DIAPH3: variants seen among roughly 807,000 people sequenced by gnomAD.
The protein encoded by DIAPH3 is diaphanous related formin 3, also known as protein diaphanous homolog 3.
A neutral mutation model predicts 144.3 loss-of-function variants in DIAPH3; 117 were observed. The observed-to-expected ratio is 0.81, with a 90% CI of 0.70 to 0.95. The LOEUF is 0.95. Among genes scored for constraint, DIAPH3 ranks in the 40% least tolerant of loss-of-function variants. The probability of loss-of-function intolerance (pLI) is 0.00; values close to 1 mark genes in which losing one functional copy is unlikely to be tolerated. For missense variants in DIAPH3, 1,421 were observed against 1,412.7 expected (o/e 1.01, Z -0.09); for synonymous variants, 519 against 488.9 (o/e 1.06, Z -0.81).
intron 18 of DIAPH3, among the ~76,000 whole-genome samples, chr13:59,916,847 T>C (rs1449923506): frequency 6.6e-6 from 1 of 152,156 alleles, no homozygotes; most frequent in East Asian, 1.9e-4. Context: ...AAATTCTCAC[T>C]GAAAATTATC....
intron 22 of DIAPH3, among the ~76,000 whole-genome samples, chr13:59,854,477 T>A (rs528551945): frequency 6.6e-6 from 1 of 152,260 alleles, no homozygotes; most frequent in African/African-American, 2.4e-5. Flanking sequence ...CTTCCCCCAA[T>A]TGGTTACATG....
chr13:60,100,705 T>A (rs1253480578), intron 3 of DIAPH3, among the ~76,000 whole-genome samples: 1 of 151,932 alleles, frequency 6.6e-6, no homozygotes, highest in East Asian at 1.9e-4. Context: ...TTTAAAAGAC[T>A]AAATTGAAAT....
chr13:59,875,834 T>C (rs58736927), intron 21 of DIAPH3, among the ~76,000 whole-genome samples: 235 of 152,242 alleles, frequency 1.5e-3, no homozygotes, highest in African/African-American at 5.4e-3. Flanking sequence ...CAAATCCTTT[T>C]CTCTCGAATC....
chr13:59,737,858 ATCT>A (rs1269303642), intron 27 of DIAPH3, among the ~76,000 whole-genome samples: 1 of 152,168 alleles, frequency 6.6e-6, no homozygotes, highest in Non-Finnish European at 1.5e-5. Flanking sequence ...TACAAGGCCT[ATCT>A]TCTTCATTTA....
chr13:59,918,944 CAAAAAA>C (rs34985752), intron 18 of DIAPH3, among the ~76,000 whole-genome samples: 7 of 117,504 alleles, frequency 6.0e-5, no homozygotes, highest in African/African-American at 1.7e-4. Context: ...CAAGAAAATA[CAAAAAA>C]AAAAAAAAAA....
chr13:60,146,626 G>A (rs1381244883), intron 1 of DIAPH3, among the ~76,000 whole-genome samples: 1 of 152,164 alleles, frequency 6.6e-6, no homozygotes, highest in Non-Finnish European at 1.5e-5. Flanking sequence ...GTCTGGTTAT[G>A]AACACACCAA....
intron 5 of DIAPH3, among the ~76,000 whole-genome samples, chr13:60,037,988 G>A (rs554701087): frequency 6.6e-6 from 1 of 152,066 alleles, no homozygotes; most frequent in South Asian, 2.1e-4. Context: ...GAAGATGACT[G>A]GTTAACATAC....
At chr13:60,068,805 G>A (rs190425715) in intron 4 of DIAPH3, among the ~76,000 whole-genome samples, 1 of 152,272 alleles carries the variant, frequency 6.6e-6, no homozygotes, top group Non-Finnish European at 1.5e-5. Context: ...CCACGTTGCT[G>A]CAAAGATCAT....
chr13:59,736,846 T>C (rs2036178456), intron 27 of DIAPH3, among the ~76,000 whole-genome samples: 1 of 151,990 alleles, frequency 6.6e-6, no homozygotes, highest in Non-Finnish European at 1.5e-5. Flanking sequence ...GAAATAAGAC[T>C]GCACACCTAC....
chr13:59,689,610 G>A (rs2033400370), intron 27 of DIAPH3, among the ~76,000 whole-genome samples: 2 of 151,998 alleles, frequency 1.3e-5, no homozygotes. Flanking sequence ...CGAGAAGACT[G>A]CTATTCTGCA....
chr13:59,739,622 T>C (rs1291145007), intron 27 of DIAPH3, among the ~76,000 whole-genome samples: 5 of 152,166 alleles, frequency 3.3e-5, no homozygotes, highest in Non-Finnish European at 7.4e-5. Context: ...AATATGTTTA[T>C]TTTATTGATT....
In DIAPH3 at chr13:59,983,839, C is replaced by T. The variant is rs745499897; in HGVS notation, c.1410G>A (p.Leu470=). Residue 470 remains leucine, a synonymous_variant, in exon 13 of 28, where the codon TTG becomes TTA. Transcript: ENST00000400324. ...LIDECVSQIV[L]HRDGMDPDFT... is the part of the protein sequence containing the mutation. ...AGTCTGGATCCATTCCATCTCTATG[C>T]AATACAATCTGGGATACACACTCAT... 6 of 1,610,122 alleles carry T rather than the reference C, an allele frequency of 3.7e-6. No homozygotes were observed. The South Asian group carries it at 6.6e-5, about 18-fold the overall frequency.
intron 20 of DIAPH3, among the ~76,000 whole-genome samples, chr13:59,901,937 C>T (rs1053439617): frequency 1.3e-5 from 2 of 152,178 alleles, no homozygotes; most frequent in East Asian, 1.9e-4. Context: ...TCATGCGATT[C>T]TCATGCCTCA....
At chr13:59,893,462 A>G (rs914106338) in intron 20 of DIAPH3, among the ~76,000 whole-genome samples, 1 of 152,150 alleles carries the variant, frequency 6.6e-6, no homozygotes, top group African/African-American at 2.4e-5. Flanking sequence ...TGGACCAGGT[A>G]AAGGTCAGTT....
intron 3 of DIAPH3, among the ~76,000 whole-genome samples, chr13:60,105,782 T>C (rs1380539201): frequency 2.6e-5 from 4 of 152,188 alleles, no homozygotes; most frequent in Non-Finnish European, 5.9e-5. Flanking sequence ...AGTAGATTTG[T>C]AAAGAATACT....
At chr13:59,857,059 C>T (rs1287595752) in intron 22 of DIAPH3, among the ~76,000 whole-genome samples, 1 of 152,112 alleles carries the variant, frequency 6.6e-6, no homozygotes, top group African/African-American at 2.4e-5. Flanking sequence ...GTTGACTCTG[C>T]TGCAGGGGAT....
chr13:59,678,967 T>C (rs926782549), intron 27 of DIAPH3, among the ~76,000 whole-genome samples: 2 of 152,228 alleles, frequency 1.3e-5, no homozygotes, highest in African/African-American at 4.8e-5. Flanking sequence ...AAACTACTTA[T>C]TTCTATAACT....
chr13:60,099,682 G>A (rs532192129), intron 3 of DIAPH3, among the ~76,000 whole-genome samples: 7 of 152,236 alleles, frequency 4.6e-5, no homozygotes, highest in South Asian at 4.1e-4. Flanking sequence ...AGGGGAAACC[G>A]AGTTGCAACA....
intron 5 of DIAPH3, among the ~76,000 whole-genome samples, chr13:60,038,063 T>C (rs1374363372): frequency 6.6e-6 from 1 of 151,588 alleles, no homozygotes; most frequent in East Asian, 1.9e-4. Context: ...AAAACTATAA[T>C]AGAAAGGAAT....
Sources: gnomAD v4.1 joint callset for allele counts (sites outside exome capture counted in the v4.1 genomes callset) on GRCh38, gnomAD v4.1.1 for gene constraint, MANE v1.5 for transcripts, NCBI Gene and HGNC (gene_info 2026-07-23, HGNC 2026-07-21) for gene names.